Variants in CENATAC observed in about 807,000 individuals in gnomAD.
CENATAC encodes the protein centrosomal AT-AC splicing factor, also known as coiled-coil domain containing 84.
A neutral mutation model predicts 53.7 loss-of-function variants in CENATAC; 53 were observed. The observed-to-expected ratio is 0.99, with a 90% CI of 0.79 to 1.24. CENATAC has a LOEUF of 1.24. Among genes scored for constraint, CENATAC ranks in the 50% most tolerant of loss-of-function variants. The pLI is 0.00. For synonymous variants in CENATAC, 156 were observed against 144.6 expected, an observed-to-expected ratio of 1.08 and a Z score of -0.57; for missense variants, 474 against 417.8, an observed-to-expected ratio of 1.13 and a Z score of -1.17.
In CENATAC at chr11:119,010,827, G is replaced by A; in HGVS notation, c.447G>A (p.Lys149=). ...SYEEKEDKVI[K]EMAAQIREVE... The stretch of plus-strand genomic sequence containing the variant: ...AAGAAAAGGAGGATAAAGTGATCAA[G>A]GAGGTAAGTTAAAGTAGCAGTCCCT... The change falls in exon 4 of 11, where the codon AAG becomes AAA. Residue 149 remains lysine (K), a synonymous_variant. Transcript: ENST00000334418. 1 of 1,613,962 alleles carries A rather than the reference G, an allele frequency of 6.2e-7. No homozygotes were observed. The highest frequency in any genetic ancestry group is 8.5e-7 in the Non-Finnish European group (1 of 1,179,848).
intron 3 of CENATAC, chr11:119,001,905 A>AG: frequency 8.2e-6 from 2 of 243,234 alleles, no homozygotes; most frequent in African/African-American, 4.5e-5. Flanking sequence ...AAGAAATACG[A>AG]ATTTTTTTTT....
At chr11:119,000,684 G>A (rs782356196) in intron 3 of CENATAC, among the ~76,000 whole-genome samples, 8 of 151,716 alleles carry the variant, frequency 5.3e-5, no homozygotes, top group Non-Finnish European at 1.0e-4. Flanking sequence ...TGAACCTGGC[G>A]AGGCAGAGGT....
Position 118,998,177 on chromosome 11 carries a change from GTGA to G in CENATAC, c.-19_-17del. ...GGCGTAGGATCGGCCGCTGGTGGTG[GTGA>G]TACCGGGTACCCGGGCTATGGCGCC... On this transcript the variant is annotated 5_prime_UTR_variant, in exon 1 of 11. Transcript: ENST00000334418. The G allele has an allele frequency of 6.4e-7, 1 of 1,570,876 alleles. No homozygotes were observed. The highest frequency in any genetic ancestry group is 8.6e-7 in the Non-Finnish European group (1 of 1,161,094).
chr11:119,014,973 AAG>A lies in CENATAC; in HGVS notation c.716-20_716-19del, dbSNP rs1378842270. ...CCTGAAGACTTAAAAAAAAAAAAAA[AAG>A]CCTTAATTTTTTTTTCAGGTGCCAC... On this transcript the variant is annotated intron_variant, in intron 8 of 10. Transcript: ENST00000334418. 6 of 1,540,546 alleles carry A rather than the reference AAG, an allele frequency of 3.9e-6. No individual in the cohort carries two copies. The African/African-American group carries it at 4.2e-5, about 11-fold the overall frequency.
At chr11:119,012,287 A>G (rs781808353) in intron 7 of CENATAC, 33 bp downstream of exon 7, 60 of 1,610,614 alleles carry the variant, frequency 3.7e-5, no homozygotes, top group East Asian at 4.5e-5. Context: ...AAGAGGGCCA[A>G]TGGTCCCTCA....
chr11:119,008,783 G>C (rs1942731308), intron 3 of CENATAC, among the ~76,000 whole-genome samples: 2 of 152,198 alleles, frequency 1.3e-5, no homozygotes, highest in African/African-American at 4.8e-5. Context: ...CCGCTTTCAA[G>C]GGCAGAGGTC....
Position 119,012,185 on chromosome 11 carries a change from G to A in CENATAC, c.615G>A (p.Leu205=). The change falls in exon 7 of 11, where the codon TTG becomes TTA. Residue 205 remains leucine, a synonymous_variant. Coordinates refer to ENST00000334418, the MANE Select transcript of CENATAC (RefSeq NM_198489.3). ...VASSLQQPSN[L]DLPPAPELDW... is the part of the protein sequence containing the mutation. ...CCAGCTTACAGCAGCCCTCAAATTT[G>A]GACCTGCCACCAGCTCCAGAGCTTG... 2 of 1,614,112 alleles carry A rather than the reference G, an allele frequency of 1.2e-6. No individual in the cohort carries two copies. The highest frequency in any genetic ancestry group is 2.7e-5 in the African/African-American group (2 of 75,000).
At position 119,015,690 on chromosome 11, in the gene CENATAC, A is replaced by T; in HGVS notation, c.*92A>T. ...CAAATTCTTTATCATTGTCTTTCTTAGGAAACAGACATACTCATTCATTTG... is the reference window on the plus strand; with the variant it reads ...CAAATTCTTTATCATTGTCTTTCTTTGGAAACAGACATACTCATTCATTTG... On this transcript the variant is annotated 3_prime_UTR_variant, in exon 11 of 11. Coordinates refer to ENST00000334418, the MANE Select transcript of CENATAC (RefSeq NM_198489.3). 6 of 1,401,878 alleles carry T rather than the reference A, an allele frequency of 4.3e-6. No homozygotes were observed. The highest frequency in any genetic ancestry group is 6.0e-6 in the Non-Finnish European group (6 of 995,426). 86.8% of individuals were successfully genotyped at this position (1,401,878 alleles called of 1,614,324 possible). A position where few individuals can be genotyped will look rare whatever the true frequency, so the allele number is the denominator to read the frequency against.
intron 7 of CENATAC, 106 bp from the exon 8 acceptor site, chr11:119,013,126 C>T: frequency 1.2e-6 from 1 of 809,806 alleles, no homozygotes; most frequent in Non-Finnish European, 2.0e-6. Flanking sequence ...TGGCAGCAGT[C>T]ACACCCACCT....
intron 8 of CENATAC, chr11:119,014,086 A>G (rs1476401933): frequency 1.3e-5 from 2 of 152,222 alleles, no homozygotes; most frequent in Non-Finnish European, 2.9e-5. Context: ...CACCTACCAC[A>G]TTATCCAACC....
intron 3 of CENATAC, 111 bp downstream of exon 3, chr11:118,999,220 C>T: frequency 2.7e-6 from 2 of 753,088 alleles, no homozygotes; most frequent in South Asian, 1.6e-5. Context: ...TACGAAGAAT[C>T]TGCTGTCTTC....
At position 119,014,984 on chromosome 11, in the gene CENATAC, T is replaced by A; in HGVS notation, c.716-10T>A. ...AAAAAAAAAAAAAAAAGCCTTAATT[T>A]TTTTTTCAGGTGCCACACCTCCCTG... On this transcript the variant is annotated splice_polypyrimidine_tract_variant and intron_variant, in intron 8 of 10. Transcript: ENST00000334418. 6.4e-7 allele frequency: 1 copy of A among 1,561,524 alleles called. No homozygotes were observed. The highest frequency in any genetic ancestry group is 8.6e-7 in the Non-Finnish European group (1 of 1,159,622).
Position 119,015,406 on chromosome 11 carries a change from G to GC in CENATAC, c.906dup (p.Val303ArgfsTer4). The GC allele has an allele frequency of 6.2e-7, 1 of 1,614,160 alleles. No homozygotes were observed. Among genetic ancestry groups the GC allele is most frequent in the Non-Finnish European group, 8.5e-7 (1 of 1,179,992 alleles). ...GCAGGCTGGCTGCCCTCTTTTGGCCGCGTCTGGAATAATGGACGCCGCTGG... is the reference window on the plus strand; with the variant it reads ...GCAGGCTGGCTGCCCTCTTTTGGCCGCCGTCTGGAATAATGGACGCCGCTGG... On this transcript the variant is annotated frameshift_variant, in exon 10 of 11. Coordinates refer to ENST00000334418, the MANE Select transcript of CENATAC (RefSeq NM_198489.3). LOFTEE classifies it high-confidence loss of function.
chr11:118,999,935 C>T (rs1942210228), intron 3 of CENATAC, among the ~76,000 whole-genome samples: 1 of 152,240 alleles, frequency 6.6e-6, no homozygotes, highest in African/African-American at 2.4e-5. Flanking sequence ...AGCCACCGCG[C>T]CCGGCCAATT....
rs375095765 is a variant in CENATAC, at chr11:119,015,457, C to T, written c.938+18C>T. The stretch of plus-strand genomic sequence containing the variant: ...CAGTCCAGGTATGTGTGTTCAGTGC[C>T]GGGTCTCCAACCTACCCATCCAACC... On this transcript the variant is annotated intron_variant, in intron 10 of 10. Coordinates refer to ENST00000334418, the MANE Select transcript of CENATAC (RefSeq NM_198489.3). 29 of 1,613,686 alleles carry T rather than the reference C, an allele frequency of 1.8e-5. No homozygotes were observed. In the Admixed American group the frequency reaches 2.0e-4, roughly 11 times the overall value.
intron 3 of CENATAC, among the ~76,000 whole-genome samples, chr11:119,005,059 C>G (rs1262039715): frequency 7.0e-6 from 1 of 143,664 alleles, no homozygotes; most frequent in Non-Finnish European, 1.5e-5. Flanking sequence ...AATACCCTGT[C>G]TCAAAAACAG....
intron 3 of CENATAC, 124 bp from the exon 4 acceptor site, chr11:119,010,640 C>G: frequency 1.3e-6 from 1 of 795,184 alleles, no homozygotes; most frequent in Non-Finnish European, 2.1e-6. Flanking sequence ...TACATAGGTG[C>G]TTACTATACT....
At chr11:119,013,478 T>C (rs1277686741) in intron 8 of CENATAC, among the ~76,000 whole-genome samples, 1 of 146,124 alleles carries the variant, frequency 6.8e-6, no homozygotes, top group Non-Finnish European at 1.5e-5. Flanking sequence ...TTTTTTTTTT[T>C]TTTGAGACGG....
intron 3 of CENATAC, chr11:119,009,640 C>G (rs1403740340): frequency 6.6e-6 from 1 of 152,210 alleles, no homozygotes; most frequent in African/African-American, 2.4e-5. Flanking sequence ...ATTAAACAAG[C>G]CTTTCAGCCA....
Sources: allele counts gnomAD v4.1 joint callset (sites outside exome capture counted in the v4.1 genomes callset), GRCh38; gene constraint gnomAD v4.1.1; transcripts MANE v1.5; gene names NCBI Gene and HGNC (gene_info 2026-07-23, HGNC 2026-07-21).